DNAJC1: variants seen among roughly 807,000 people sequenced by gnomAD.
DNAJC1 encodes the protein dnaJ homolog subfamily C member 1.
A neutral mutation model predicts 76.6 loss-of-function variants in DNAJC1; 58 were observed. The observed-to-expected ratio is 0.76, with a 90% confidence interval of 0.61 to 0.94. The LOEUF is 0.94. Ranked by LOEUF, DNAJC1 falls within the 40% of genes least tolerant of loss-of-function variation. The probability of loss-of-function intolerance (pLI) is 0.00; values close to 1 mark genes in which losing one functional copy is unlikely to be tolerated. For missense variants in DNAJC1, 689 were observed against 677.3 expected (o/e 1.02, Z -0.19); for synonymous variants, 258 against 267.9 (o/e 0.96, Z 0.36).
chr10:21,911,222 G>A (rs76611403), intron 6 of DNAJC1, among the ~76,000 whole-genome samples: 5,311 of 152,008 alleles, frequency 0.035, 160 homozygotes, highest in Middle Eastern at 0.068. Flanking sequence ...ACAATATAGA[G>A]GATGTTCTAT....
intron 8 of DNAJC1, among the ~76,000 whole-genome samples, chr10:21,849,253 ACTGCACT>A (rs1835709808): frequency 1.5e-5 from 2 of 131,924 alleles, no homozygotes; most frequent in Non-Finnish European, 3.1e-5. Context: ...AGATCGTGCC[ACTGCACT>A]CCAGGCTGGG....
chr10:21,768,501 T>C (rs1834328430), intron 9 of DNAJC1, among the ~76,000 whole-genome samples: 1 of 152,226 alleles, frequency 6.6e-6, no homozygotes. Context: ...CTCTTACGGA[T>C]GTTTTCAGTT....
intron 8 of DNAJC1, among the ~76,000 whole-genome samples, chr10:21,823,788 T>C (rs72804392): frequency 0.011 from 1,611 of 151,712 alleles, 12 homozygotes; most frequent in Non-Finnish European, 0.016. Context: ...AGAAAGTTTA[T>C]GAGTTTGTGT....
At chr10:21,899,515 G>T (rs1836609047) in intron 7 of DNAJC1, among the ~76,000 whole-genome samples, 1 of 152,194 alleles carries the variant, frequency 6.6e-6, no homozygotes, top group African/African-American at 2.4e-5. Flanking sequence ...GCTGGCTTTG[G>T]AGTATACAGA....
At chr10:21,919,419 T>C (rs1181106380) in intron 5 of DNAJC1, among the ~76,000 whole-genome samples, 1 of 152,048 alleles carries the variant, frequency 6.6e-6, no homozygotes. Flanking sequence ...TGCCCTGCTG[T>C]GTGAACTATT....
chr10:21,919,764 A>G lies in DNAJC1; in HGVS notation c.635+68T>C, dbSNP rs1837010974. ...CACATGTAAATAGACATACATATGAAGTTGAATCATATTAAAGATGTATTT... is the reference window on the plus strand; with the variant it reads ...CACATGTAAATAGACATACATATGAGGTTGAATCATATTAAAGATGTATTT... On this transcript the variant is annotated intron_variant, in intron 5 of 11. Transcript: ENST00000376980. The G allele has an allele frequency of 4.8e-6, 5 of 1,047,796 alleles. No individual in the cohort carries two copies. In the South Asian group the frequency reaches 6.0e-5, roughly 13 times the overall value. 64.9% of individuals were successfully genotyped at this position (1,047,796 alleles called of 1,614,324 possible). A position where few individuals can be genotyped will look rare whatever the true frequency, so the allele number is the denominator to read the frequency against.
chr10:21,948,423 C>A, intron 1 of DNAJC1, among the ~76,000 whole-genome samples: 1 of 152,070 alleles, frequency 6.6e-6, no homozygotes, highest in Non-Finnish European at 1.5e-5. Flanking sequence ...TCACAAAAAT[C>A]TTCAAGTCAG....
At chr10:21,881,706 A>G (rs1836281017) in intron 8 of DNAJC1, among the ~76,000 whole-genome samples, 1 of 152,038 alleles carries the variant, frequency 6.6e-6, no homozygotes, top group South Asian at 2.1e-4. Context: ...ACCATACCAG[A>G]TGTTATAGTA....
At chr10:21,975,600 G>C (rs1838048550) in intron 1 of DNAJC1, among the ~76,000 whole-genome samples, 1 of 152,104 alleles carries the variant, frequency 6.6e-6, no homozygotes, top group Non-Finnish European at 1.5e-5. Flanking sequence ...AACTGTGCAA[G>C]GCCAATTAAC....
At chr10:21,771,437 T>A (rs1441012089) in intron 9 of DNAJC1, among the ~76,000 whole-genome samples, 1 of 152,236 alleles carries the variant, frequency 6.6e-6, no homozygotes, top group Non-Finnish European at 1.5e-5. Flanking sequence ...CTGGTTGAGA[T>A]ACTTCTTTTT....
chr10:21,756,773 G>T lies in DNAJC1; in HGVS notation c.1597-18C>A. The T allele has an allele frequency of 1.2e-6, 2 of 1,610,766 alleles. No individual in the cohort carries two copies. The highest frequency in any genetic ancestry group is 8.5e-7 in the Non-Finnish European group (1 of 1,179,530). On this transcript the variant is annotated intron_variant, in intron 11 of 11. Transcript: ENST00000376980. ...CAGTCTTCCTGTAGGAAGAAAAAAAGAGAGGTGAGAACAGTCACTTGCACA... is the reference window on the plus strand; with the variant it reads ...CAGTCTTCCTGTAGGAAGAAAAAAATAGAGGTGAGAACAGTCACTTGCACA...
chr10:21,783,198 C>G (rs1033432377), intron 9 of DNAJC1, among the ~76,000 whole-genome samples: 1 of 152,216 alleles, frequency 6.6e-6, no homozygotes, highest in African/African-American at 2.4e-5. Flanking sequence ...GCAACTTCAG[C>G]AAAGTCTCAG....
At chr10:21,923,428 A>C (rs1837070434) in intron 3 of DNAJC1, among the ~76,000 whole-genome samples, 1 of 152,002 alleles carries the variant, frequency 6.6e-6, no homozygotes, top group Non-Finnish European at 1.5e-5. Context: ...ACAACACATA[A>C]AATTTAAAAC....
At chr10:21,924,156 G>A (rs1837083236) in intron 3 of DNAJC1, among the ~76,000 whole-genome samples, 1 of 151,774 alleles carries the variant, frequency 6.6e-6, no homozygotes, top group African/African-American at 2.4e-5. Flanking sequence ...ATATATATAT[G>A]CCAAAAATTG....
At chr10:21,871,879 C>T (rs1224668157) in intron 8 of DNAJC1, among the ~76,000 whole-genome samples, 1 of 151,790 alleles carries the variant, frequency 6.6e-6, no homozygotes, top group Non-Finnish European at 1.5e-5. Flanking sequence ...GAGTGATCCT[C>T]CTGCCTCAGC....
At chr10:21,946,071 T>TG (rs1165694971) in intron 1 of DNAJC1, among the ~76,000 whole-genome samples, 1 of 146,074 alleles carries the variant, frequency 6.8e-6, no homozygotes, top group Non-Finnish European at 1.5e-5. Flanking sequence ...TTTTTTTTTT[T>TG]GCTCTGTTGC....
chr10:21,828,954 C>T (rs940096321), intron 8 of DNAJC1, among the ~76,000 whole-genome samples: 2 of 152,140 alleles, frequency 1.3e-5, no homozygotes, highest in Non-Finnish European at 2.9e-5. Context: ...TGTATATTTT[C>T]TTGCCATGTA....
chr10:21,937,018 T>C (rs1837321708), intron 1 of DNAJC1, among the ~76,000 whole-genome samples: 1 of 152,130 alleles, frequency 6.6e-6, no homozygotes, highest in Admixed American at 6.5e-5. Flanking sequence ...ACATGATCCA[T>C]CACAGCAAGT....
Position 21,877,014 on chromosome 10 carries a change from C to T in DNAJC1, c.978+5268G>A, listed in dbSNP as rs566280546. On this transcript the variant is annotated intron_variant, in intron 8 of 11. Transcript: ENST00000376980. ...GTTTGTTCAGGTGTGGCGGCTCATG[C>T]TTGTAATCCTAACACTTTGGGAGGC... is the stretch of plus-strand genomic sequence containing the variant. 1.3e-3 allele frequency among the ~76,000 whole-genome samples: 204 copies of T among 152,176 alleles called. 1 individual carries two copies. Among genetic ancestry groups the T allele is most frequent in the African/African-American group, 4.6e-3 (192 of 41,510 alleles).
Sources: gnomAD v4.1 joint callset for allele counts (sites outside exome capture counted in the v4.1 genomes callset) on GRCh38, gnomAD v4.1.1 for gene constraint, MANE v1.5 for transcripts, NCBI Gene and HGNC (gene_info 2026-07-23, HGNC 2026-07-21) for gene names.